SLC2A9: variants seen among roughly 807,000 people sequenced by gnomAD.
SLC2A9 encodes solute carrier family 2 member 9, also known as solute carrier family 2, facilitated glucose transporter member 9.
Under a neutral mutation model 50.6 loss-of-function variants are expected in SLC2A9, and 39 were observed. The observed-to-expected ratio is 0.77, with a 90% CI of 0.60 to 1.01. SLC2A9 has a LOEUF of 1.01. Among genes scored for constraint, SLC2A9 ranks in the 50% least tolerant of loss-of-function variants. The pLI is 0.00. For missense variants in SLC2A9, 686 were observed against 677.6 expected (o/e 1.01, Z -0.14); for synonymous variants, 324 against 276.9 (o/e 1.17, Z -1.69).
At chr4:9,949,307 T>G (rs1749771535) in intron 5 of SLC2A9, among the ~76,000 whole-genome samples, 1 of 152,182 alleles carries the variant, frequency 6.6e-6, no homozygotes, top group Non-Finnish European at 1.5e-5. Context: ...GGAGGATGAA[T>G]GACAGCACAG....
At chr4:9,797,596 G>A (rs1316747008), downstream of SLC2A9, among the ~76,000 whole-genome samples, 2 of 152,150 alleles carry the variant, frequency 1.3e-5, no homozygotes, top group Non-Finnish European at 2.9e-5. Context: ...TCATCTGAAG[G>A]AAGATTCAAG....
chr4:9,792,503 C>T (rs1242809326), intron 3 of SLC2A9, among the ~76,000 whole-genome samples: 3 of 152,008 alleles, frequency 2.0e-5, no homozygotes, highest in Admixed American at 6.6e-5. Context: ...TTTCTCTGTT[C>T]GTAAAGTCAG....
intron 8 of SLC2A9, among the ~76,000 whole-genome samples, chr4:9,897,932 A>G (rs1249506956): frequency 6.6e-6 from 1 of 152,062 alleles, no homozygotes; most frequent in Non-Finnish European, 1.5e-5. Context: ...ACATACACAG[A>G]CAGAATGTCA....
At chr4:10,009,144 C>A (rs1213611359) in intron 2 of SLC2A9, among the ~76,000 whole-genome samples, 1 of 152,198 alleles carries the variant, frequency 6.6e-6, no homozygotes, top group East Asian at 1.9e-4. Flanking sequence ...CTCCCCCTCA[C>A]CCCAACCAGA....
At chr4:9,932,577 T>C (rs1223490102) in intron 6 of SLC2A9, among the ~76,000 whole-genome samples, 1 of 152,136 alleles carries the variant, frequency 6.6e-6, no homozygotes, top group Non-Finnish European at 1.5e-5. Flanking sequence ...TTTGAGAAGA[T>C]GCTATTTCAC....
rs73804735 is a variant in SLC2A9 at position 9,837,166 on chromosome 4, G to C, written c.1292-2158C>G. ...TTTGTCTGGCATTTCCCACAGAGTA[G>C]ATACTCCATCAATATTTACTTACAT... is the stretch of plus-strand genomic sequence containing the variant. On this transcript the variant is annotated intron_variant, in intron 10 of 11. Coordinates refer to ENST00000264784, the MANE Select transcript of SLC2A9 (RefSeq NM_020041.3). Among the ~76,000 whole-genome samples, 583 of 152,290 alleles carry C rather than the reference G, an allele frequency of 3.8e-3. 7 individuals are homozygous for C. The highest frequency in any genetic ancestry group is 0.014 in the African/African-American group (567 of 41,546).
At chr4:9,981,188 A>AATGATG (rs1755713952) in intron 4 of SLC2A9, among the ~76,000 whole-genome samples, 1 of 6,632 alleles carries the variant, frequency 1.5e-4, no homozygotes, top group African/African-American at 5.1e-4. Flanking sequence ...TGGTGGTGGT[A>AATGATG]GTGATGGTCA....
At chr4:9,959,807 G>A (rs947368377) in intron 5 of SLC2A9, among the ~76,000 whole-genome samples, 1 of 152,188 alleles carries the variant, frequency 6.6e-6, no homozygotes, top group African/African-American at 2.4e-5. Context: ...TACACTCTCA[G>A]GCTCCATTTG....
intron 1 of SLC2A9, chr4:9,771,396 C>T: frequency 2.5e-6 from 1 of 398,048 alleles, no homozygotes; most frequent in South Asian, 1.3e-4. Context: ...GGTGTAGAGT[C>T]ATGCCAGTTC....
chr4:9,848,391 C>T (rs1297492364), intron 10 of SLC2A9, among the ~76,000 whole-genome samples: 2 of 151,442 alleles, frequency 1.3e-5, no homozygotes, highest in Admixed American at 1.3e-4. Context: ...GAGACTTCTC[C>T]AGGAATGGGC....
intron 3 of SLC2A9, among the ~76,000 whole-genome samples, chr4:9,781,412 C>A (rs1718342529): frequency 6.6e-6 from 1 of 152,234 alleles, no homozygotes; most frequent in African/African-American, 2.4e-5. Flanking sequence ...TCCAGGGATG[C>A]GCCAAGCACC....
chr4:9,817,030 C>T (rs765651457), intron 3 of SLC2A9, among the ~76,000 whole-genome samples: 2 of 152,170 alleles, frequency 1.3e-5, no homozygotes, highest in Admixed American at 6.5e-5. Flanking sequence ...CCCCTTCCTC[C>T]GTCTTCAAGG....
chr4:9,938,070 T>C (rs554607900), intron 6 of SLC2A9, among the ~76,000 whole-genome samples: 1 of 152,348 alleles, frequency 6.6e-6, no homozygotes, highest in Non-Finnish European at 1.5e-5. Context: ...CAATCATCTA[T>C]AATTGTTTGT....
intron 5 of SLC2A9, among the ~76,000 whole-genome samples, chr4:9,974,520 C>A (rs1490948402): frequency 5.2e-4 from 75 of 144,574 alleles, no homozygotes; most frequent in South Asian, 6.5e-4. Context: ...TAATAGCTGC[C>A]AAAAAAAAAA....
chr4:9,967,497 A>G (rs1479907712), intron 5 of SLC2A9, among the ~76,000 whole-genome samples: 3 of 152,002 alleles, frequency 2.0e-5, no homozygotes, highest in Non-Finnish European at 4.4e-5. Context: ...ATTTCTGCAT[A>G]TAATTCTTTA....
chr4:9,888,993 T>C (rs1444391010), intron 9 of SLC2A9, among the ~76,000 whole-genome samples: 1 of 152,182 alleles, frequency 6.6e-6, no homozygotes, highest in Non-Finnish European at 1.5e-5. Flanking sequence ...GAAATGCAGA[T>C]ATGGTTCATG....
intron 11 of SLC2A9, among the ~76,000 whole-genome samples, chr4:9,834,532 C>T (rs932948143): frequency 3.9e-5 from 6 of 152,108 alleles, no homozygotes; most frequent in African/African-American, 1.4e-4. Context: ...TTGCAGTGTG[C>T]ACTGGAACTA....
chr4:10,003,208 A>G (rs10023068), intron 2 of SLC2A9, among the ~76,000 whole-genome samples: 109,439 of 152,148 alleles, frequency 0.72, 40,215 homozygotes, highest in Non-Finnish European at 0.81. Context: ...TGGCACTCTT[A>G]TAGTAATTCA....
At chr4:9,850,502 G>A (rs1340863537) in intron 10 of SLC2A9, among the ~76,000 whole-genome samples, 3 of 152,136 alleles carry the variant, frequency 2.0e-5, no homozygotes, top group Admixed American at 6.5e-5. Context: ...GGACTCTCTT[G>A]GGGCCCCAGC....
Sources: gnomAD v4.1 joint callset for allele counts (sites outside exome capture counted in the v4.1 genomes callset) on GRCh38, gnomAD v4.1.1 for gene constraint, MANE v1.5 for transcripts, NCBI Gene and HGNC (gene_info 2026-07-23, HGNC 2026-07-21) for gene names.